The following USPL1 variants were observed in gnomAD, a reference collection of about 807,000 sequenced individuals.
The protein encoded by USPL1 is ubiquitin specific peptidase like 1.
A neutral mutation model predicts 51.5 loss-of-function variants in USPL1; 27 were observed. That is an observed-to-expected ratio of 0.52 (90% CI 0.39 to 0.72). USPL1 has a LOEUF of 0.72. Among genes scored for constraint, USPL1 ranks in the 30% least tolerant of loss-of-function variants. USPL1 has a pLI of 0.00. For synonymous variants in USPL1, 451 were observed against 459.6 expected, an observed-to-expected ratio of 0.98 and a Z score of 0.24; for missense variants, 1,226 against 1,268.0, an observed-to-expected ratio of 0.97 and a Z score of 0.50.
rs1287785589 is a variant in USPL1 at position 30,658,505 on chromosome 13, C to T, written c.2428C>T (p.His810Tyr). 1 of 1,613,936 alleles carries T rather than the reference C, an allele frequency of 6.2e-7. No homozygotes were observed. ...KTKGINQKAS[H>Y]VSKKARKSAS... ...TAAAGGTATAAACCAGAAGGCCAGC[C>T]ACGTATCCAAGAAAGCTCGTAAGAG... The change falls in exon 9 of 9, where the codon CAC becomes TAC. Residue 810 changes from histidine to tyrosine, a missense_variant. His to Tyr is a moderately conservative substitution (Grantham distance 83, BLOSUM62 2). Coordinates refer to ENST00000255304, the MANE Select transcript of USPL1 (RefSeq NM_005800.5).
chr13:30,654,039 T>C (rs1289204554), intron 8 of USPL1, among the ~76,000 whole-genome samples: 3 of 152,262 alleles, frequency 2.0e-5, no homozygotes, highest in Non-Finnish European at 2.9e-5. Context: ...CTGTAACTTA[T>C]GTTATAAATG....
chr13:30,634,644 A>G (rs1950851527), intron 4 of USPL1, among the ~76,000 whole-genome samples: 2 of 152,148 alleles, frequency 1.3e-5, no homozygotes, highest in Admixed American at 1.3e-4. Context: ...TTGCCATTAT[A>G]AATGCTGCTG....
At chr13:30,655,455 A>G (rs1951149223) in intron 8 of USPL1, among the ~76,000 whole-genome samples, 1 of 150,822 alleles carries the variant, frequency 6.6e-6, no homozygotes, top group Admixed American at 6.6e-5. Context: ...CCTTAAGATT[A>G]GTTCTTTGTA....
intron 6 of USPL1, among the ~76,000 whole-genome samples, chr13:30,645,011 TC>T (rs897268366): frequency 6.6e-6 from 1 of 152,134 alleles, no homozygotes; most frequent in African/African-American, 2.4e-5. Context: ...GATCCTAGTG[TC>T]CTCATTTGGC....
intron 4 of USPL1, among the ~76,000 whole-genome samples, chr13:30,635,721 T>C (rs1003877912): frequency 6.6e-6 from 1 of 152,188 alleles, no homozygotes; most frequent in African/African-American, 2.4e-5. Context: ...TTGAGTTTGG[T>C]CATACAGTCT....
chr13:30,625,225 G>C (rs1347354481), intron 3 of USPL1, among the ~76,000 whole-genome samples: 1 of 152,106 alleles, frequency 6.6e-6, no homozygotes, highest in Non-Finnish European at 1.5e-5. Flanking sequence ...TTGGGATATG[G>C]GGTTGGAAAG....
intron 3 of USPL1, among the ~76,000 whole-genome samples, chr13:30,624,843 G>A (rs1950690676): frequency 6.6e-6 from 1 of 152,242 alleles, no homozygotes; most frequent in Non-Finnish European, 1.5e-5. Context: ...TGGTCCATCT[G>A]TGGACGGGTG....
In USPL1 at chr13:30,658,194, T is replaced by G; in HGVS notation, c.2117T>G (p.Leu706Arg). The stretch of plus-strand genomic sequence containing the variant: ...AAGGACGCTCAGTTAAAACAATTCC[T>G]TACACCAAAAACTGAACAATTAAAA... ...IEKDAQLKQF[L>R]TPKTEQLKPE... Residue 706 changes from leucine to arginine, a missense_variant, in exon 9 of 9, where the codon CTT becomes CGT. Transcript: ENST00000255304. The G allele has an allele frequency of 6.2e-7, 1 of 1,612,444 alleles. No individual in the cohort carries two copies. Among genetic ancestry groups the G allele is most frequent in the South Asian group, 1.1e-5 (1 of 90,472 alleles).
intron 7 of USPL1, among the ~76,000 whole-genome samples, chr13:30,648,582 G>A (rs1272213649): frequency 5.3e-5 from 8 of 152,108 alleles, no homozygotes; most frequent in South Asian, 2.1e-4. Flanking sequence ...TATGCACTCC[G>A]TAGTACTCAT....
At chr13:30,640,564 C>T (rs1950933651) in intron 5 of USPL1, among the ~76,000 whole-genome samples, 1 of 152,058 alleles carries the variant, frequency 6.6e-6, no homozygotes, top group Non-Finnish European at 1.5e-5. Context: ...GGTGTAGGTG[C>T]CTGTAATCCC....
intron 7 of USPL1, among the ~76,000 whole-genome samples, chr13:30,650,519 G>T (rs1344217493): frequency 6.7e-6 from 1 of 150,006 alleles, no homozygotes; most frequent in Admixed American, 6.7e-5. Context: ...AAAGGTTTCA[G>T]TGAGCAGAGA....
intron 3 of USPL1, among the ~76,000 whole-genome samples, chr13:30,629,218 T>C (rs1950764888): frequency 6.6e-6 from 1 of 152,152 alleles, no homozygotes; most frequent in Non-Finnish European, 1.5e-5. Context: ...AAAATTTTAA[T>C]GGTGGCTGGG....
At chr13:30,651,999 T>C (rs6490475) in intron 7 of USPL1, among the ~76,000 whole-genome samples, 82,276 of 152,066 alleles carry the variant, frequency 0.54, 25,172 homozygotes, top group African/African-American at 0.84. Context: ...CTAAAGCCTG[T>C]GTGTCTCGCT....
In USPL1 at chr13:30,620,972, C is replaced by T. The variant is rs561230335; in HGVS notation, c.-68-101C>T. ...ATATGTTTATTCTAGGACATATAGC[C>T]CTCAAAATCTGCTTACTATATACGT... On this transcript the variant is annotated intron_variant, in intron 1 of 8. Transcript: ENST00000255304. The T allele has an allele frequency of 2.8e-5, 15 of 539,440 alleles. No individual in the cohort carries two copies. In the South Asian group the frequency reaches 4.1e-4, roughly 15 times the overall value. The allele number at this position is 539,440 out of a possible 1,614,324, so 33.4% of individuals were successfully genotyped here.
rs1951212528 is a variant in USPL1 at position 30,658,870 on chromosome 13, T to C, written c.2793T>C (p.Asp931=). The C allele has an allele frequency of 6.2e-7, 1 of 1,614,026 alleles. No homozygotes were observed. The highest frequency in any genetic ancestry group is 8.5e-7 in the Non-Finnish European group (1 of 1,180,028). Residue 931 remains aspartate (D), a synonymous_variant, in exon 9 of 9, where the codon GAT becomes GAC. Transcript: ENST00000255304. The stretch of plus-strand genomic sequence containing the variant: ...TGCCCCAGGATGGGTCTCCAAATGA[T>C]TGTGAATCAATAGAGGACTTGTTAA... ...EQVPQDGSPN[D]CESIEDLLNE...
At chr13:30,646,539 T>C (rs1951019781) in intron 6 of USPL1, among the ~76,000 whole-genome samples, 1 of 152,202 alleles carries the variant, frequency 6.6e-6, no homozygotes, top group Admixed American at 6.5e-5. Flanking sequence ...GGCTATTTTT[T>C]CCCCCTTGGG....
chr13:30,635,753 G>A (rs937134343), intron 4 of USPL1, among the ~76,000 whole-genome samples: 10 of 152,062 alleles, frequency 6.6e-5, no homozygotes, highest in African/African-American at 2.4e-4. Context: ...CTTATACATC[G>A]TTTCCCTCTT....
intron 1 of USPL1, among the ~76,000 whole-genome samples, chr13:30,618,677 T>C (rs1312013412): frequency 6.6e-6 from 1 of 152,136 alleles, no homozygotes; most frequent in East Asian, 1.9e-4. Context: ...GCTGGGCTAA[T>C]AATTCACATT....
At chr13:30,645,710 A>G (rs1054314340) in intron 6 of USPL1, among the ~76,000 whole-genome samples, 2 of 152,242 alleles carry the variant, frequency 1.3e-5, no homozygotes, top group African/African-American at 4.8e-5. Context: ...TTTTTACTCA[A>G]CTTGGAAAGT....
Sources: allele counts gnomAD v4.1 joint callset (sites outside exome capture counted in the v4.1 genomes callset), GRCh38; gene constraint gnomAD v4.1.1; transcripts MANE v1.5; gene names NCBI Gene and HGNC (gene_info 2026-07-23, HGNC 2026-07-21).